The following BTBD9 variants were observed in gnomAD, a reference collection of about 807,000 sequenced individuals.
The protein encoded by BTBD9 is BTB domain containing 9.
In BTBD9, 49 loss-of-function variants were observed where a neutral mutation model predicts 64.3. That is an observed-to-expected ratio of 0.76 (90% CI 0.61 to 0.97). The LOEUF (loss-of-function observed/expected upper bound fraction) is 0.97, where lower values mean the gene tolerates loss of function less well. BTBD9 is among the 50% of genes least tolerant of loss of function. The pLI is 0.00. For synonymous variants in BTBD9, 260 were observed against 274.7 expected (o/e 0.95, Z 0.53); for missense variants, 598 against 762.1 (o/e 0.78, Z 2.53).
intron 9 of BTBD9, among the ~76,000 whole-genome samples, chr6:38,229,754 T>C (rs1292801651): frequency 1.3e-5 from 2 of 152,234 alleles, no homozygotes; most frequent in African/African-American, 4.8e-5. Context: ...TTTCTGAACC[T>C]AAATGGAGAG....
intron 9 of BTBD9, among the ~76,000 whole-genome samples, chr6:38,249,114 A>G (rs1474326488): frequency 2.0e-5 from 3 of 152,218 alleles, no homozygotes; most frequent in African/African-American, 7.2e-5. Flanking sequence ...AAGCTGTCAG[A>G]CTTCTGAAAA....
intron 6 of BTBD9, among the ~76,000 whole-genome samples, chr6:38,388,730 C>G (rs1486762030): frequency 6.6e-6 from 1 of 152,092 alleles, no homozygotes; most frequent in East Asian, 1.9e-4. Context: ...ATAAAAACAC[C>G]TATTCTGTTT....
Position 38,226,424 on chromosome 6 carries a change from C to T in BTBD9, c.1562+29985G>A, listed in dbSNP as rs80207908. On this transcript the variant is annotated intron_variant, in intron 9 of 10. Transcript: ENST00000481247. ...GGGCAGGGGTTCCTTGCTGCTGCTC[C>T]AACTCTGCAAAAGGAGTCAGGAAAT... Among the ~76,000 whole-genome samples the T allele has an allele frequency of 6.5e-3, 987 of 152,248 alleles. 9 individuals carry two copies. The highest frequency in any genetic ancestry group is 0.022 in the African/African-American group (923 of 41,532).
intron 7 of BTBD9, among the ~76,000 whole-genome samples, chr6:38,343,585 C>T (rs1764180031): frequency 6.6e-6 from 1 of 152,074 alleles, no homozygotes; most frequent in Non-Finnish European, 1.5e-5. Context: ...GAATGCCCTC[C>T]CCACAACCCT....
At chr6:38,244,742 A>G (rs977322329) in intron 9 of BTBD9, among the ~76,000 whole-genome samples, 8 of 152,192 alleles carry the variant, frequency 5.3e-5, no homozygotes, top group African/African-American at 1.9e-4. Context: ...GTGAGGGGCA[A>G]TGATAGATGT....
chr6:38,454,566 A>C (rs768721568), intron 6 of BTBD9, among the ~76,000 whole-genome samples: 6 of 151,420 alleles, frequency 4.0e-5, no homozygotes, highest in Non-Finnish European at 7.4e-5. Flanking sequence ...GGAGGCCGAC[A>C]CATGAGGCTC....
chr6:38,244,722 A>T (rs1041080345), intron 9 of BTBD9, among the ~76,000 whole-genome samples: 5 of 152,212 alleles, frequency 3.3e-5, no homozygotes, highest in African/African-American at 9.6e-5. Flanking sequence ...AGGGGATCCA[A>T]GTCACTAACG....
intron 1 of BTBD9, among the ~76,000 whole-genome samples, chr6:38,600,099 G>T (rs1777190148): frequency 6.6e-6 from 1 of 152,194 alleles, no homozygotes; most frequent in Admixed American, 6.5e-5. Flanking sequence ...AGTAATGTGT[G>T]ACACAGTAGT....
chr6:38,222,267 T>TTTTG, intron 9 of BTBD9, among the ~76,000 whole-genome samples: 1 of 138,988 alleles, frequency 7.2e-6, no homozygotes, highest in Non-Finnish European at 1.6e-5. Context: ...GTTTTTTTTT[T>TTTTG]TTTTTTTTTT....
Position 38,174,266 on chromosome 6 carries a change from T to C in BTBD9, c.*719A>G, listed in dbSNP as rs1283509956. On this transcript the variant is annotated 3_prime_UTR_variant, in exon 11 of 11. Transcript: ENST00000481247. Reference sequence around the variant, plus strand: ...ACACGAGTGACTATTAACTCCAGTGTCCACAGGTTGATTTGCTTGTGTGCA... The same window carrying C: ...ACACGAGTGACTATTAACTCCAGTGCCCACAGGTTGATTTGCTTGTGTGCA... 1 of 152,282 alleles carries C rather than the reference T, an allele frequency of 6.6e-6. No individual in the cohort carries two copies. Among genetic ancestry groups the C allele is most frequent in the East Asian group, 1.9e-4 (1 of 5,192 alleles). 9.4% of individuals were successfully genotyped at this position (152,282 alleles called of 1,614,324 possible).
At chr6:38,185,857 C>T (rs942769973) in intron 10 of BTBD9, among the ~76,000 whole-genome samples, 10 of 152,160 alleles carry the variant, frequency 6.6e-5, no homozygotes, top group African/African-American at 1.9e-4. Context: ...TCCTTCAACA[C>T]GCTGTTATGT....
chr6:38,593,133 G>A (rs952389612), intron 3 of BTBD9, among the ~76,000 whole-genome samples: 2 of 152,184 alleles, frequency 1.3e-5, no homozygotes, highest in Non-Finnish European at 2.9e-5. Flanking sequence ...AAACGCCAAA[G>A]TGAAAAGCTG....
chr6:38,362,983 C>T (rs9380738), intron 6 of BTBD9, among the ~76,000 whole-genome samples: 12,468 of 151,840 alleles, frequency 0.082, 1,299 homozygotes, highest in East Asian at 0.34. Flanking sequence ...CAGGAGAAAA[C>T]GGGAAAAAAA....
intron 3 of BTBD9, among the ~76,000 whole-genome samples, chr6:38,593,291 T>A (rs140020166): frequency 6.6e-6 from 1 of 152,186 alleles, no homozygotes; most frequent in Admixed American, 6.5e-5. Context: ...AGGAACAATG[T>A]TGCAACCCTC....
At chr6:38,584,827 T>C (rs1191285101) in intron 4 of BTBD9, among the ~76,000 whole-genome samples, 3 of 152,138 alleles carry the variant, frequency 2.0e-5, no homozygotes, top group Non-Finnish European at 2.9e-5. Flanking sequence ...CCTCCCCCTT[T>C]TTCCCACTCT....
chr6:38,624,140 G>A (rs916064562), intron 1 of BTBD9, among the ~76,000 whole-genome samples: 4 of 152,170 alleles, frequency 2.6e-5, no homozygotes, highest in Admixed American at 6.6e-5. Context: ...TCTGTAAAAC[G>A]CACCAATCTG....
chr6:38,207,030 C>T (rs1762679780), intron 9 of BTBD9, among the ~76,000 whole-genome samples: 1 of 152,170 alleles, frequency 6.6e-6, no homozygotes, highest in Non-Finnish European at 1.5e-5. Flanking sequence ...CAGCAATTCC[C>T]TTATACTACT....
chr6:38,313,720 A>G (rs113364949), intron 7 of BTBD9, among the ~76,000 whole-genome samples: 4,505 of 151,828 alleles, frequency 0.03, 214 homozygotes, highest in African/African-American at 0.1. Flanking sequence ...TCCTTGGGAT[A>G]AATTCCACTT....
intron 1 of BTBD9, among the ~76,000 whole-genome samples, chr6:38,628,508 G>A (rs1401404841): frequency 6.6e-6 from 1 of 152,146 alleles, no homozygotes; most frequent in African/African-American, 2.4e-5. Flanking sequence ...AGGGAGTCAG[G>A]TTCTTACTGT....
Sources: allele counts gnomAD v4.1 joint callset (sites outside exome capture counted in the v4.1 genomes callset), GRCh38; gene constraint gnomAD v4.1.1; transcripts MANE v1.5; gene names NCBI Gene and HGNC (gene_info 2026-07-23, HGNC 2026-07-21).